Variants in IL1RAPL2 observed in about 807,000 individuals in gnomAD.
IL1RAPL2 encodes the protein X-linked interleukin-1 receptor accessory protein-like 2.
Under a neutral mutation model 44.1 loss-of-function variants are expected in IL1RAPL2, and 3 were observed. That is an observed-to-expected ratio of 0.07 (90% confidence interval 0.03 to 0.18). IL1RAPL2 has a LOEUF of 0.18. IL1RAPL2 is among the 10% of genes least tolerant of loss of function. The probability of loss-of-function intolerance (pLI) is 1.00; values close to 1 mark genes in which losing one functional copy is unlikely to be tolerated. For missense variants in IL1RAPL2, 391 were observed against 496.4 expected (o/e 0.79, Z 2.02); for synonymous variants, 181 against 178.8 (o/e 1.01, Z -0.10).
intron 2 of IL1RAPL2, among the ~76,000 whole-genome samples, chrX:105,091,457 C>T (rs999418824): frequency 9.0e-6 from 1 of 111,427 alleles, no homozygotes; most frequent in Non-Finnish European, 1.9e-5. Context: ...GGTGATCAAC[C>T]ATCCTGGTTT....
At chrX:104,961,191 C>T in intron 2 of IL1RAPL2, among the ~76,000 whole-genome samples, 1 of 111,676 alleles carries the variant, frequency 9.0e-6, no homozygotes, top group East Asian at 2.8e-4. Context: ...CCCGGGGCCT[C>T]TGGCACATCC....
intron 5 of IL1RAPL2, among the ~76,000 whole-genome samples, chrX:105,314,741 C>T (rs753717503): frequency 9.9e-5 from 11 of 111,532 alleles, no homozygotes; most frequent in Non-Finnish European, 1.9e-4. Context: ...GCTGCAGGTA[C>T]AGAAGAGCCT....
At chrX:105,551,949 CA>C (rs780534082) in intron 6 of IL1RAPL2, among the ~76,000 whole-genome samples, 3 of 110,100 alleles carry the variant, frequency 2.7e-5, no homozygotes, top group Non-Finnish European at 5.7e-5. Flanking sequence ...ACTAAAAATA[CA>C]AAAAAATTAG....
chrX:105,167,102 G>A (rs1312940224), intron 2 of IL1RAPL2, among the ~76,000 whole-genome samples: 1 of 111,861 alleles, frequency 8.9e-6, no homozygotes, highest in Non-Finnish European at 1.9e-5. Flanking sequence ...TGGATTAATG[G>A]TCCAACTTCT....
At chrX:105,297,341 C>G (rs1303724620) in intron 5 of IL1RAPL2, among the ~76,000 whole-genome samples, 9 of 112,001 alleles carry the variant, frequency 8.0e-5, no homozygotes, top group Non-Finnish European at 1.9e-5. Flanking sequence ...GAATGTTATT[C>G]TAAGCACAGT....
At chrX:105,634,053 A>G (rs1343892527) in intron 6 of IL1RAPL2, among the ~76,000 whole-genome samples, 1 of 111,204 alleles carries the variant, frequency 9.0e-6, no homozygotes, top group Non-Finnish European at 1.9e-5. Context: ...AGCTAAGGAA[A>G]AAGACTATGG....
rs759827362 is a variant in IL1RAPL2 at position 105,698,564 on chromosome X, C to T, written c.773-18803C>T. ...AGCCACCCCAGTATCAAATGACTTC[C>T]AAGAAATCATCCTGCCACCCACTGT... is the stretch of plus-strand genomic sequence containing the variant. On this transcript the variant is annotated intron_variant, in intron 6 of 10. Transcript: ENST00000372582. 4.5e-5 allele frequency among the ~76,000 whole-genome samples: 5 copies of T among 111,587 alleles called. No homozygotes were observed. The South Asian group carries it at 1.9e-3, about 42-fold the overall frequency.
intron 2 of IL1RAPL2, among the ~76,000 whole-genome samples, chrX:104,824,134 A>G (rs991040502): frequency 2.7e-5 from 3 of 112,041 alleles, no homozygotes; most frequent in Admixed American, 9.5e-5. Context: ...TTCTGCATCA[A>G]TTGAGATAAT....
At chrX:104,882,917 T>A (rs1191818014) in intron 2 of IL1RAPL2, among the ~76,000 whole-genome samples, 2 of 111,194 alleles carry the variant, frequency 1.8e-5, no homozygotes, top group Non-Finnish European at 3.8e-5. Flanking sequence ...ACGCCCCACC[T>A]TTAAAAGCTG....
At chrX:105,636,387 ATAAT>A (rs1483773424) in intron 6 of IL1RAPL2, among the ~76,000 whole-genome samples, 1 of 111,688 alleles carries the variant, frequency 9.0e-6, no homozygotes, top group African/African-American at 3.3e-5. Flanking sequence ...AACACTAAAT[ATAAT>A]TAATTAGGAA....
At chrX:105,407,206 G>T (rs1213077195) in intron 5 of IL1RAPL2, among the ~76,000 whole-genome samples, 1 of 110,108 alleles carries the variant, frequency 9.1e-6, no homozygotes, top group Non-Finnish European at 1.9e-5. Context: ...CGGTGCATAA[G>T]GGAAAAAACT....
At chrX:105,617,136 C>T (rs377607050) in intron 6 of IL1RAPL2, among the ~76,000 whole-genome samples, 3 of 111,278 alleles carry the variant, frequency 2.7e-5, no homozygotes, top group East Asian at 5.7e-4. Flanking sequence ...GCTGCTGTTA[C>T]TTGCAAATGT....
At chrX:105,493,985 G>A in intron 6 of IL1RAPL2, among the ~76,000 whole-genome samples, 1 of 111,923 alleles carries the variant, frequency 8.9e-6, no homozygotes, top group Non-Finnish European at 1.9e-5. Context: ...TTTTCTGGAG[G>A]GATTTACAGT....
intron 5 of IL1RAPL2, among the ~76,000 whole-genome samples, chrX:105,353,399 G>A (rs761984301): frequency 1.2e-4 from 13 of 111,608 alleles, no homozygotes; most frequent in Non-Finnish European, 2.4e-4. Flanking sequence ...GCTTAGAATT[G>A]ACTTGGCAAC....
chrX:104,658,589 A>G (rs1260514652), intron 1 of IL1RAPL2, among the ~76,000 whole-genome samples: 5 of 112,595 alleles, frequency 4.4e-5, no homozygotes, highest in Non-Finnish European at 9.4e-5. Flanking sequence ...CGTTGTGCAC[A>G]TGTACACTAG....
intron 2 of IL1RAPL2, among the ~76,000 whole-genome samples, chrX:104,892,936 A>G (rs1423343730): frequency 8.0e-5 from 9 of 112,332 alleles, no homozygotes; most frequent in Non-Finnish European, 1.5e-4. Context: ...ATTTAGTGCT[A>G]TAAATTTCCC....
At chrX:104,610,731 C>A (rs759710775) in intron 1 of IL1RAPL2, among the ~76,000 whole-genome samples, 1 of 111,598 alleles carries the variant, frequency 9.0e-6, no homozygotes, top group Non-Finnish European at 1.9e-5. Context: ...TCAATGCGAT[C>A]CCCATCAAGC....
intron 2 of IL1RAPL2, among the ~76,000 whole-genome samples, chrX:104,721,858 A>G (rs1233889816): frequency 9.0e-6 from 1 of 111,488 alleles, no homozygotes; most frequent in Admixed American, 9.6e-5. Flanking sequence ...TTTCACACAG[A>G]TAGGTTTGAA....
intron 5 of IL1RAPL2, among the ~76,000 whole-genome samples, chrX:105,363,318 T>C (rs191412186): frequency 0.013 from 1,227 of 94,310 alleles, 11 homozygotes; most frequent in South Asian, 0.04. Flanking sequence ...AATATATATA[T>C]ATATATATAT....
Sources: gnomAD v4.1 joint callset for allele counts (sites outside exome capture counted in the v4.1 genomes callset) on GRCh38, gnomAD v4.1.1 for gene constraint, MANE v1.5 for transcripts, NCBI Gene and HGNC (gene_info 2026-07-23, HGNC 2026-07-21) for gene names.